RREB1: variants seen among roughly 807,000 people sequenced by gnomAD.
RREB1 encodes the protein ras responsive element binding protein 1.
Under a neutral mutation model 117.8 loss-of-function variants are expected in RREB1, and 27 were observed. The observed-to-expected ratio is 0.23, with a 90% CI of 0.17 to 0.32. The LOEUF (loss-of-function observed/expected upper bound fraction) is 0.32, where lower values mean the gene tolerates loss of function less well. RREB1 is among the 10% of genes least tolerant of loss of function. The probability of loss-of-function intolerance (pLI) is 1.00; values close to 1 mark genes in which losing one functional copy is unlikely to be tolerated. For missense variants in RREB1, 2,577 were observed against 2,378.2 expected (o/e 1.08, Z -1.74); for synonymous variants, 1,298 against 1,026.7 (o/e 1.26, Z -5.05).
intron 1 of RREB1, among the ~76,000 whole-genome samples, chr6:7,117,346 G>T (rs1761445497): frequency 6.7e-6 from 1 of 148,230 alleles, no homozygotes; most frequent in East Asian, 2.0e-4. Flanking sequence ...GATGGGGTGG[G>T]TGTTCTGAAA....
chr6:7,146,521 T>G (rs1342311345), intron 1 of RREB1, among the ~76,000 whole-genome samples: 1 of 152,182 alleles, frequency 6.6e-6, no homozygotes, highest in Non-Finnish European at 1.5e-5. Context: ...CAGTTAGCTC[T>G]GACTTAGGGG....
At chr6:7,227,550 A>C (rs548530591) in intron 9 of RREB1, among the ~76,000 whole-genome samples, 1 of 151,780 alleles carries the variant, frequency 6.6e-6, no homozygotes, top group South Asian at 2.1e-4. Flanking sequence ...AAGAAAAAAA[A>C]AATTTTTTTT....
At chr6:7,117,390 T>TG (rs1761452885) in intron 1 of RREB1, among the ~76,000 whole-genome samples, 1 of 19,608 alleles carries the variant, frequency 5.1e-5, no homozygotes, top group African/African-American at 1.5e-4. Flanking sequence ...GGTTTCCTGT[T>TG]TTTTTTTTTT....
At chr6:7,150,442 T>G (rs1763065432) in intron 1 of RREB1, among the ~76,000 whole-genome samples, 1 of 152,234 alleles carries the variant, frequency 6.6e-6, no homozygotes, top group Non-Finnish European at 1.5e-5. Context: ...TAAGAGAAAT[T>G]GTTCCCTTTG....
At chr6:7,169,109 C>T (rs1469441697) in intron 1 of RREB1, among the ~76,000 whole-genome samples, 1 of 152,136 alleles carries the variant, frequency 6.6e-6, no homozygotes, top group East Asian at 1.9e-4. Context: ...CTTATAGCAA[C>T]ATTCTTTTCT....
intron 1 of RREB1, among the ~76,000 whole-genome samples, chr6:7,156,176 T>C (rs1051530838): frequency 1.3e-5 from 2 of 152,244 alleles, no homozygotes; most frequent in East Asian, 3.8e-4. Context: ...TCTTGGAGTT[T>C]AGTAATTGAA....
At chr6:7,116,720 G>A (rs1761416099) in intron 1 of RREB1, among the ~76,000 whole-genome samples, 1 of 152,208 alleles carries the variant, frequency 6.6e-6, no homozygotes, top group Admixed American at 6.5e-5. Flanking sequence ...AAAGAATTAA[G>A]TTCTTTGGTG....
chr6:7,223,532 G>T (rs1337563183), intron 8 of RREB1, among the ~76,000 whole-genome samples: 1 of 85,024 alleles, frequency 1.2e-5, no homozygotes, highest in Non-Finnish European at 2.2e-5. Context: ...TTGCACTCCA[G>T]CCTGGGCAAC....
At chr6:7,124,348 T>C (rs999308838) in intron 1 of RREB1, among the ~76,000 whole-genome samples, 2 of 152,150 alleles carry the variant, frequency 1.3e-5, no homozygotes, top group African/African-American at 2.4e-5. Context: ...CAAATTATTA[T>C]ATTTAGAGAT....
intron 11 of RREB1, among the ~76,000 whole-genome samples, chr6:7,244,274 A>G (rs990937095): frequency 6.6e-6 from 1 of 151,996 alleles, no homozygotes; most frequent in Non-Finnish European, 1.5e-5. Flanking sequence ...AAAAAAAAAA[A>G]AAAAATTACT....
At chr6:7,167,503 G>A (rs1314462291) in intron 1 of RREB1, among the ~76,000 whole-genome samples, 3 of 151,938 alleles carry the variant, frequency 2.0e-5, no homozygotes, top group Non-Finnish European at 2.9e-5. Flanking sequence ...ACAGGTACCC[G>A]CCACCACGCC....
chr6:7,174,551 C>T (rs1256694589), intron 1 of RREB1, among the ~76,000 whole-genome samples: 1 of 152,162 alleles, frequency 6.6e-6, no homozygotes, highest in Non-Finnish European at 1.5e-5. Context: ...GAAGTCTTAG[C>T]TACATGCTAG....
intron 2 of RREB1, among the ~76,000 whole-genome samples, chr6:7,179,153 AT>A (rs1204477318): frequency 1.1e-4 from 16 of 152,154 alleles, no homozygotes; most frequent in African/African-American, 3.9e-4. Context: ...TAGAATTAGA[AT>A]TTTTTTTATA....
At position 7,234,468 on chromosome 6, in the gene RREB1, C is replaced by A. The variant is rs1280725257; in HGVS notation, c.3808+2561C>A. 2.0e-5 allele frequency among the ~76,000 whole-genome samples: 3 copies of A among 152,102 alleles called. No homozygotes were observed. In the South Asian group the frequency reaches 6.2e-4, roughly 32 times the overall value. ...TCTTTGCAGGTGCCTGATATGTGTTCCCATTTGTGAATCCAGTCATGATTG... is the reference window on the plus strand; with the variant it reads ...TCTTTGCAGGTGCCTGATATGTGTTACCATTTGTGAATCCAGTCATGATTG... On this transcript the variant is annotated intron_variant, in intron 10 of 12. Coordinates refer to ENST00000379938, the MANE Select transcript of RREB1 (RefSeq NM_001003699.4).
At chr6:7,149,791 C>T (rs193291800) in intron 1 of RREB1, among the ~76,000 whole-genome samples, 70 of 152,244 alleles carry the variant, frequency 4.6e-4, no homozygotes, top group Middle Eastern at 3.4e-3. Flanking sequence ...CAGGTTCAAG[C>T]GATTCTCCTG....
intron 1 of RREB1, among the ~76,000 whole-genome samples, chr6:7,124,988 G>C (rs1017433406): frequency 6.6e-6 from 1 of 152,250 alleles, no homozygotes; most frequent in Non-Finnish European, 1.5e-5. Context: ...GCTGTGTGCA[G>C]ATCCTTCCTT....
In RREB1 at chr6:7,229,560, G is replaced by A. The variant is rs753209205; in HGVS notation, c.1461G>A (p.Pro487=). ...CGGCTCCCCCTCAGATCAGTCTTCC[G>A]CCCTTCTCCAAGGCCCCTGCCGCCC... is the stretch of plus-strand genomic sequence containing the variant. ...AASAPPQISL[P]PFSKAPAAPL... is the part of the protein sequence containing the mutation. The change falls in exon 10 of 13, where the codon CCG becomes CCA. Residue 487 remains proline (P), a synonymous_variant. Transcript: ENST00000379938. This position sits in a 1 kb window ranked among gnomAD's most constrained non-coding sequence, Gnocchi z 4.5. 17 of 1,612,922 alleles carry A rather than the reference G, an allele frequency of 1.1e-5. No homozygotes were observed. In the Admixed American group the frequency reaches 1.8e-4, roughly 17 times the overall value.
chr6:7,226,718 C>CA, intron 9 of RREB1, 62 bp downstream of exon 9: 1 of 1,276,624 alleles, frequency 7.8e-7, no homozygotes, highest in Non-Finnish European at 1.1e-6. Context: ...ACAGTTAGAC[C>CA]ATGGGAACTT....
intron 1 of RREB1, among the ~76,000 whole-genome samples, chr6:7,122,197 T>C (rs1215081394): frequency 2.0e-5 from 3 of 152,282 alleles, no homozygotes; most frequent in African/African-American, 4.8e-5. Flanking sequence ...GGATATAACC[T>C]GAACATTCCT....
Sources: allele counts gnomAD v4.1 joint callset (sites outside exome capture counted in the v4.1 genomes callset), GRCh38; gene constraint gnomAD v4.1.1; non-coding constraint Gnocchi (gnomAD v3.1); transcripts MANE v1.5; gene names NCBI Gene and HGNC (gene_info 2026-07-23, HGNC 2026-07-21).